ACAP1: variants seen among roughly 807,000 people sequenced by gnomAD.
The protein encoded by ACAP1 is arf-GAP with coiled-coil, ANK repeat and PH domain-containing protein 1.
Under a neutral mutation model 98.8 loss-of-function variants are expected in ACAP1, and 45 were observed. The observed-to-expected ratio is 0.46, with a 90% CI of 0.36 to 0.58. The LOEUF is 0.58. Ranked by LOEUF, ACAP1 falls within the 20% of genes least tolerant of loss-of-function variation. The pLI, the probability that ACAP1 is intolerant of heterozygous loss-of-function variation, is 0.00. For synonymous variants in ACAP1, 362 were observed against 375.3 expected (o/e 0.96, Z 0.41); for missense variants, 735 against 971.4 (o/e 0.76, Z 3.24).
At position 7,347,264 on chromosome 17, in the gene ACAP1, G is replaced by A. The variant is rs148951373; in HGVS notation, c.1343+22G>A. 6.9e-4 allele frequency: 1,095 copies of A among 1,594,454 alleles called. 7 individuals are homozygous for A. The African/African-American group carries it at 0.013, about 19-fold the overall frequency. On this transcript the variant is annotated intron_variant, in intron 14 of 21. Coordinates refer to ENST00000158762, the MANE Select transcript of ACAP1 (RefSeq NM_014716.4). ...ACAGGTTACTCCACAAGGCCCATGC[G>A]GGAGCCCCACTCCTTCGGGCCACAG...
chr17:7,337,850 T>C (rs2143015592), intron 2 of ACAP1, among the ~76,000 whole-genome samples: 1 of 151,820 alleles, frequency 6.6e-6, no homozygotes, highest in Admixed American at 6.6e-5. Flanking sequence ...CGAGACTCTG[T>C]GTCAAAAAAA....
Position 7,346,922 on chromosome 17 carries a change from T to A in ACAP1, c.1122T>A (p.Gly374=). 6.2e-7 allele frequency: 1 copy of A among 1,611,462 alleles called. No homozygotes were observed. The highest frequency in any genetic ancestry group is 2.2e-5 in the East Asian group (1 of 44,800). Residue 374 remains glycine, a synonymous_variant, in exon 13 of 22, where the codon GGT becomes GGA. Transcript: ENST00000158762. ...SQARLDDSPR[G]PGQGSGHLAI... is the part of the protein sequence containing the mutation. Reference sequence around the variant, plus strand: ...CTCGCCTTGATGACAGCCCCCGGGGTCCAGGCCAGGTACCTTAACCTGGGG... The same window carrying A: ...CTCGCCTTGATGACAGCCCCCGGGGACCAGGCCAGGTACCTTAACCTGGGG...
chr17:7,348,954 C>A, intron 17 of ACAP1, 41 bp from the exon 18 acceptor site: 1 of 1,585,860 alleles, frequency 6.3e-7, no homozygotes. Context: ...TTCCCAGACT[C>A]GGAGCTGCTT....
intron 2 of ACAP1, 139 bp from the exon 3 acceptor site, chr17:7,341,809 G>A: frequency 2.5e-6 from 3 of 1,203,508 alleles, no homozygotes; most frequent in South Asian, 2.9e-5. Flanking sequence ...AGAGCTGGAT[G>A]AGCCTGGAGG....
chr17:7,340,802 T>C (rs947634147), intron 2 of ACAP1, among the ~76,000 whole-genome samples: 2 of 152,226 alleles, frequency 1.3e-5, no homozygotes, highest in Middle Eastern at 3.4e-3. Flanking sequence ...GCCAAGATCA[T>C]GCCATTGCAC....
Position 7,343,950 on chromosome 17 carries a change from C to T in ACAP1, c.663C>T (p.Gly221=), listed in dbSNP as rs775003480. ...TGTCCCAGTATCGAAAGGAGCTGGG[C>T]GCCCAGGTGGGGCCCCAGGGCACAG... ...SRLSQYRKEL[G]AQLHQLVLNS... The change falls in exon 8 of 22, where the codon GGC becomes GGT. Residue 221 remains glycine, a synonymous_variant. Coordinates refer to ENST00000158762, the MANE Select transcript of ACAP1 (RefSeq NM_014716.4). This position sits in a 1 kb window ranked among gnomAD's most constrained non-coding sequence, Gnocchi z 4.9. 1.8e-5 allele frequency: 29 copies of T among 1,589,566 alleles called. No individual in the cohort carries two copies. The East Asian group carries it at 2.5e-4, about 14-fold the overall frequency.
intron 10 of ACAP1, chr17:7,345,804 C>T (rs941538524): frequency 5.8e-6 from 1 of 173,588 alleles, no homozygotes; most frequent in Non-Finnish European, 1.2e-5. Context: ...AGCCGCCTGC[C>T]ACCACGCCTG....
At chr17:7,349,828 A>ACTCC in intron 18 of ACAP1, 117 bp from the exon 19 acceptor site, 2 of 812,964 alleles carry the variant, frequency 2.5e-6, no homozygotes, top group Non-Finnish European at 4.0e-6. Context: ...CCCCTTCCAC[A>ACTCC]CTCCTGATTA....
Position 7,350,338 on chromosome 17 carries a change from T to C in ACAP1, c.2072+101T>C, listed in dbSNP as rs2073392814. 2.0e-6 allele frequency: 2 copies of C among 984,142 alleles called. No individual in the cohort carries two copies. Among genetic ancestry groups the C allele is most frequent in the Admixed American group, 2.7e-5 (1 of 37,712 alleles). 61.0% of individuals were successfully genotyped at this position (984,142 alleles called of 1,614,324 possible). On this transcript the variant is annotated intron_variant, in intron 20 of 21. Coordinates refer to ENST00000158762, the MANE Select transcript of ACAP1 (RefSeq NM_014716.4). This position sits in a 1 kb window ranked among gnomAD's most constrained non-coding sequence, Gnocchi z 4.6. ...CGGGGCTGACGCCGAAACAGAAGCC[T>C]GTGCTGTGGGGCCTCGGAAAGGGGC...
intron 3 of ACAP1, 85 bp from the exon 4 acceptor site, chr17:7,342,190 T>C (rs1313923635): frequency 6.2e-7 from 1 of 1,605,732 alleles, no homozygotes; most frequent in Non-Finnish European, 8.5e-7. Context: ...CTGCTGTCCA[T>C]GACAGCCGTA....
intron 11 of ACAP1, 38 bp downstream of exon 11, chr17:7,346,333 G>C: frequency 6.2e-7 from 1 of 1,613,978 alleles, no homozygotes; most frequent in Non-Finnish European, 8.5e-7. Context: ...GGGCCCCAGG[G>C]AGACTCAGCT....
chr17:7,349,880 A>C, intron 18 of ACAP1, 65 bp from the exon 19 acceptor site: 4 of 1,337,564 alleles, frequency 3.0e-6, no homozygotes, highest in Non-Finnish European at 4.2e-6. Flanking sequence ...CGCCACCCTA[A>C]GACATCTTGA....
chr17:7,348,194 T>TGGAGGCCTG lies in ACAP1; in HGVS notation c.1482_1483insGAGGCCTGG (p.Val494_Lys495insGluAlaTrp). On this transcript the variant is annotated inframe_insertion, in exon 16 of 22. Coordinates refer to ENST00000158762, the MANE Select transcript of ACAP1 (RefSeq NM_014716.4). Reference sequence around the variant, plus strand: ...GAGGCCCGCGTGGAGGCCATGGCAGTGAAGAAACCAGGGCCCAGCTGCTCC... The same window carrying TGGAGGCCTG: ...GAGGCCCGCGTGGAGGCCATGGCAGTGGAGGCCTGGAAGAAACCAGGGCCCAGCTGCTCC... 6.2e-7 allele frequency: 1 copy of TGGAGGCCTG among 1,613,942 alleles called. No homozygotes were observed. Among genetic ancestry groups the TGGAGGCCTG allele is most frequent in the Non-Finnish European group, 8.5e-7 (1 of 1,179,922 alleles).
At chr17:7,349,308 G>A (rs1454400341) in intron 18 of ACAP1, 141 bp downstream of exon 18, 18 of 875,516 alleles carry the variant, frequency 2.1e-5, no homozygotes, top group Middle Eastern at 3.4e-4. Flanking sequence ...ATAGAGACTG[G>A]TTGCTAAGAG....
At chr17:7,341,847 G>T in intron 2 of ACAP1, 101 bp from the exon 3 acceptor site, 1 of 1,548,742 alleles carries the variant, frequency 6.5e-7, no homozygotes, top group East Asian at 2.3e-5. Context: ...GAATAGGGGA[G>T]CGCCGCCCTG....
At chr17:7,337,400 G>A (rs199990916) in intron 2 of ACAP1, 31 bp downstream of exon 2, 1 of 1,605,548 alleles carries the variant, frequency 6.2e-7, no homozygotes. Flanking sequence ...TGACCCAGGA[G>A]TGGATTAGGT....
At chr17:7,348,750 G>T (rs574717894) in intron 17 of ACAP1, 42 of 579,788 alleles carry the variant, frequency 7.2e-5, no homozygotes, top group Non-Finnish European at 1.1e-4. Context: ...GTTGAGAGCT[G>T]AGGCCAAGTG....
rs912404509 is a variant in ACAP1, at chr17:7,348,934, G to A, written c.1679-61G>A. ...CCCATTATAGCATTGGGACACTGCT[G>A]AGGGTTTTCTTCCCAGACTCGGAGC... On this transcript the variant is annotated intron_variant, in intron 17 of 21. Coordinates refer to ENST00000158762, the MANE Select transcript of ACAP1 (RefSeq NM_014716.4). 5.3e-6 allele frequency: 8 copies of A among 1,505,484 alleles called. No homozygotes were observed. The African/African-American group carries it at 1.1e-4, about 21-fold the overall frequency. The allele number at this position is 1,505,484 out of a possible 1,614,324, so 93.3% of individuals were successfully genotyped here.
Position 7,350,079 on chromosome 17 carries a change from A to C in ACAP1, c.1961+25A>C, listed in dbSNP as rs755283561. 6.2e-7 allele frequency: 1 copy of C among 1,613,120 alleles called. No individual in the cohort carries two copies. On this transcript the variant is annotated intron_variant, in intron 19 of 21. Coordinates refer to ENST00000158762, the MANE Select transcript of ACAP1 (RefSeq NM_014716.4). This position sits in a 1 kb window ranked among gnomAD's most constrained non-coding sequence, Gnocchi z 4.6. Reference sequence around the variant, plus strand: ...GGTAGGGATGATGGCATGGGGAGGAAGGCTGGGAGAAGTTGGGCGGCCGGC... The same window carrying C: ...GGTAGGGATGATGGCATGGGGAGGACGGCTGGGAGAAGTTGGGCGGCCGGC...
Sources: allele counts gnomAD v4.1 joint callset (sites outside exome capture counted in the v4.1 genomes callset), GRCh38; gene constraint gnomAD v4.1.1; non-coding constraint Gnocchi (gnomAD v3.1); transcripts MANE v1.5; gene names NCBI Gene and HGNC (gene_info 2026-07-23, HGNC 2026-07-21).